Variants in ZC3HAV1 observed in about 807,000 individuals in gnomAD.
ZC3HAV1 encodes the protein zinc finger CCCH-type containing, antiviral 1.
Under a neutral mutation model 86.6 loss-of-function variants are expected in ZC3HAV1, and 41 were observed. The observed-to-expected ratio is 0.47, with a 90% CI of 0.37 to 0.61. The LOEUF (loss-of-function observed/expected upper bound fraction) is 0.61. ZC3HAV1 is among the 20% of genes least tolerant of loss of function. The probability of loss-of-function intolerance (pLI) is 0.00; values close to 1 mark genes in which losing one functional copy is unlikely to be tolerated. For missense variants in ZC3HAV1, 964 were observed against 1,141.1 expected, an observed-to-expected ratio of 0.84 and a Z score of 2.24; for synonymous variants, 421 against 432.1, an observed-to-expected ratio of 0.97 and a Z score of 0.32.
At chr7:139,083,255 G>A (rs1030812190) in intron 3 of ZC3HAV1, among the ~76,000 whole-genome samples, 4 of 133,314 alleles carry the variant, frequency 3.0e-5, no homozygotes, top group Non-Finnish European at 6.4e-5. Context: ...TGGGGGGGGG[G>A]GCAATAGTGC....
At chr7:139,080,620 T>C (rs2130707174) in intron 3 of ZC3HAV1, among the ~76,000 whole-genome samples, 1 of 152,286 alleles carries the variant, frequency 6.6e-6, no homozygotes, top group Middle Eastern at 3.4e-3. Context: ...ACATTCTGCC[T>C]GCACGGCAGA....
Position 139,080,084 on chromosome 7 carries a change from T to C in ZC3HAV1, c.857A>G (p.Glu286Gly), listed in dbSNP as rs1182568775. 7.4e-6 allele frequency: 12 copies of C among 1,614,062 alleles called. No homozygotes were observed. Among genetic ancestry groups the C allele is most frequent in the Non-Finnish European group, 9.3e-6 (11 of 1,180,040 alleles). Residue 286 changes from glutamate to glycine, a missense_variant, in exon 4 of 13, where the codon GAG (glutamate) becomes GGG (glycine). Coordinates refer to ENST00000242351, the MANE Select transcript of ZC3HAV1 (RefSeq NM_020119.4). ...PDQISHRASL[E>G]DAPVDDLTRK... ...GGTGAGATCGTCCACAGGCGCGTCCTCCAGGGAAGCCCTGTGGCTGATCTG... is the reference window on the plus strand; with the variant it reads ...GGTGAGATCGTCCACAGGCGCGTCCCCCAGGGAAGCCCTGTGGCTGATCTG...
chr7:139,077,065 C>G (rs1816973969), intron 5 of ZC3HAV1, among the ~76,000 whole-genome samples: 1 of 152,130 alleles, frequency 6.6e-6, no homozygotes, highest in Non-Finnish European at 1.5e-5. Context: ...TTCCTTGAAG[C>G]CCTGGCCTAC....
intron 1 of ZC3HAV1, among the ~76,000 whole-genome samples, chr7:139,091,900 A>T (rs1360020125): frequency 6.6e-6 from 1 of 152,188 alleles, no homozygotes; most frequent in African/African-American, 2.4e-5. Context: ...AAAACGCCAC[A>T]CTTCGAGACG....
At chr7:139,075,558 G>A (rs1382667808) in intron 6 of ZC3HAV1, among the ~76,000 whole-genome samples, 1 of 152,096 alleles carries the variant, frequency 6.6e-6, no homozygotes, top group Admixed American at 6.5e-5. Context: ...TCAGCCTCCC[G>A]AGTAGCGAGT....
At chr7:139,079,345 T>C in intron 4 of ZC3HAV1, 125 bp downstream of exon 4, 1 of 1,578,248 alleles carries the variant, frequency 6.3e-7, no homozygotes. Context: ...TGACTGCCAT[T>C]GTTAAGCCAA....
At chr7:139,082,507 C>T (rs963630403) in intron 3 of ZC3HAV1, among the ~76,000 whole-genome samples, 3 of 152,028 alleles carry the variant, frequency 2.0e-5, no homozygotes, top group Admixed American at 6.6e-5. Context: ...TATATACCCC[C>T]GAGGAACTGA....
intron 9 of ZC3HAV1, among the ~76,000 whole-genome samples, chr7:139,059,354 T>C (rs10272189): frequency 0.38 from 57,210 of 152,110 alleles, 11,901 homozygotes; most frequent in East Asian, 0.71. Context: ...CAGTGGCTCA[T>C]GCCTGTCATC....
In ZC3HAV1 at chr7:139,055,253, G is replaced by C. The variant is rs533214079; in HGVS notation, c.2139C>G (p.Thr713=). Residue 713 remains threonine, a synonymous_variant, in exon 10 of 13, where the codon ACC becomes ACG. Coordinates refer to ENST00000242351, the MANE Select transcript of ZC3HAV1 (RefSeq NM_020119.4). ...AGCAAAAGTCCTCCTGAGGACGAAA[G>C]GTCGCAGTTAAAGACACTGACGAGG... ...AKTSSVSLTA[T]FRPQEDFCFL... is the part of the protein sequence containing the mutation. The C allele has an allele frequency of 6.2e-7, 1 of 1,613,500 alleles. No individual in the cohort carries two copies.
intron 11 of ZC3HAV1, 138 bp downstream of exon 11, chr7:139,053,827 G>GAA (rs34548487): frequency 0.38 from 301,726 of 802,236 alleles, 30,300 homozygotes; most frequent in African/African-American, 0.6. Flanking sequence ...TTGATAGAAT[G>GAA]AAAAAAAAAA....
At chr7:139,085,293 G>A (rs191450734) in intron 2 of ZC3HAV1, among the ~76,000 whole-genome samples, 12 of 152,284 alleles carry the variant, frequency 7.9e-5, no homozygotes, top group Admixed American at 3.9e-4. Context: ...CTATTCCCAC[G>A]CCGATATTAA....
intron 4 of ZC3HAV1, chr7:139,079,020 G>C (rs2130704366): frequency 6.7e-7 from 1 of 1,495,538 alleles, no homozygotes; most frequent in African/African-American, 1.4e-5. Context: ...AAGAACTGGG[G>C]AACATCCAAG....
chr7:139,067,824 G>A (rs1261033211), intron 7 of ZC3HAV1, among the ~76,000 whole-genome samples: 3 of 152,070 alleles, frequency 2.0e-5, no homozygotes, highest in Non-Finnish European at 4.4e-5. Context: ...TGCAGTTAGA[G>A]ATAAACACTT....
At chr7:139,070,973 ACT>A (rs754701736) in intron 7 of ZC3HAV1, among the ~76,000 whole-genome samples, 1 of 151,256 alleles carries the variant, frequency 6.6e-6, no homozygotes, top group African/African-American at 2.4e-5. Flanking sequence ...CAAGAGCAAA[ACT>A]CTGTCTCAAA....
At chr7:139,086,157 GA>G (rs1817268449) in intron 2 of ZC3HAV1, among the ~76,000 whole-genome samples, 1 of 152,034 alleles carries the variant, frequency 6.6e-6, no homozygotes, top group South Asian at 2.1e-4. Context: ...AAAGCCCTAT[GA>G]AAAAATTCCA....
At chr7:139,049,712 C>G (rs1816069167) in intron 12 of ZC3HAV1, 1 of 153,546 alleles carries the variant, frequency 6.5e-6, no homozygotes, top group Non-Finnish European at 1.5e-5. Flanking sequence ...CAGCATTACT[C>G]TCTGCATTTT....
At position 139,080,185 on chromosome 7, in the gene ZC3HAV1, C is replaced by A; in HGVS notation, c.756G>T (p.Arg252=). The change falls in exon 4 of 13, where the codon CGG becomes CGT. Residue 252 remains arginine, a synonymous_variant. Coordinates refer to ENST00000242351, the MANE Select transcript of ZC3HAV1 (RefSeq NM_020119.4). ...AYRARSKSRD[R]FFQGSQEFLA... ...GAAATTCTTGGCTGCCCTGAAAGAACCGATCTCTACTCTTGCTTCTAGCCC... is the reference window on the plus strand; with the variant it reads ...GAAATTCTTGGCTGCCCTGAAAGAAACGATCTCTACTCTTGCTTCTAGCCC... The A allele has an allele frequency of 1.9e-6, 3 of 1,614,186 alleles. No individual in the cohort carries two copies. The highest frequency in any genetic ancestry group is 1.7e-6 in the Non-Finnish European group (2 of 1,180,038).
chr7:139,095,837 A>G (rs191746050), intron 1 of ZC3HAV1, among the ~76,000 whole-genome samples: 7 of 152,326 alleles, frequency 4.6e-5, no homozygotes, highest in Admixed American at 2.0e-4. Context: ...CCAAAGTCCA[A>G]TTCAAACCCT....
intron 2 of ZC3HAV1, among the ~76,000 whole-genome samples, chr7:139,087,772 T>TAATCC (rs772146111): frequency 3.3e-5 from 5 of 152,020 alleles, no homozygotes; most frequent in Non-Finnish European, 7.4e-5. Flanking sequence ...CTCGCACCTG[T>TAATCC]AATCCCAGTA....
Sources: allele counts gnomAD v4.1 joint callset (sites outside exome capture counted in the v4.1 genomes callset), GRCh38; gene constraint gnomAD v4.1.1; transcripts MANE v1.5; gene names NCBI Gene and HGNC (gene_info 2026-07-23, HGNC 2026-07-21).